WWP1: variants seen among roughly 807,000 people sequenced by gnomAD.
WWP1 encodes the protein WW domain containing E3 ubiquitin protein ligase 1.
WWP1 carries 49 observed loss-of-function variants against 130.6 expected under a neutral mutation model. The ratio of observed to expected loss-of-function variants is 0.38; its 90% confidence interval spans 0.30 to 0.48. WWP1 has a LOEUF of 0.48. Among genes scored for constraint, WWP1 ranks in the 20% least tolerant of loss-of-function variants. The pLI is 0.99. For synonymous variants in WWP1, 332 were observed against 367.8 expected (o/e 0.90, Z 1.11); for missense variants, 809 against 1,100.6 (o/e 0.74, Z 3.75).
chr8:86,418,957 A>G (rs555110726), intron 9 of WWP1, among the ~76,000 whole-genome samples: 12 of 152,198 alleles, frequency 7.9e-5, no homozygotes, highest in Non-Finnish European at 1.5e-4. Context: ...TCTCTAACAA[A>G]ACAGTCCCAT....
At chr8:86,412,841 A>G (rs1234725176) in intron 9 of WWP1, among the ~76,000 whole-genome samples, 1 of 150,214 alleles carries the variant, frequency 6.7e-6, no homozygotes, top group East Asian at 2.0e-4. Flanking sequence ...CATTATTATT[A>G]TTTTGGAGCA....
rs779675593 is a variant in WWP1, at chr8:86,438,637, G to A, written c.1802G>A (p.Arg601Lys). 7.5e-6 allele frequency: 12 copies of A among 1,608,538 alleles called. No individual in the cohort carries two copies. Among genetic ancestry groups the A allele is most frequent in the Non-Finnish European group, 1.0e-5 (12 of 1,178,632 alleles). ...DLRRRLYVIFRGEEGLDYGGL... is the reference protein window; with the variant it reads ...DLRRRLYVIFKGEEGLDYGGL... ...AGGAGGCGCTTATATGTAATATTTAGAGGAGAAGAAGGACTTGATTATGGT... is the reference window on the plus strand; with the variant it reads ...AGGAGGCGCTTATATGTAATATTTAAAGGAGAAGAAGGACTTGATTATGGT... The change falls in exon 17 of 25, where the codon AGA becomes AAA. Residue 601 changes from arginine to lysine, a missense_variant. Arg to Lys is a conservative substitution (Grantham distance 26, BLOSUM62 2). Around this residue, in one of 3 missense-constraint regions of WWP1, gnomAD observed 450 missense variants for 674.2 expected, o/e 0.67. Transcript: ENST00000517970.
At chr8:86,390,671 G>A (rs1807266856) in intron 5 of WWP1, among the ~76,000 whole-genome samples, 1 of 151,350 alleles carries the variant, frequency 6.6e-6, no homozygotes, top group Admixed American at 6.6e-5. Context: ...CTCAGCATCA[G>A]AGGGAGACCG....
Position 86,431,862 on chromosome 8 carries a change from C to G in WWP1, c.1601+119C>G, listed in dbSNP as rs562667039. ...ACTTTTTGGTTCAAGAAAACCTACA[C>G]AAGTGAAACCTTAGTATAGCTGTCT... On this transcript the variant is annotated intron_variant, in intron 14 of 24. Coordinates refer to ENST00000517970, the MANE Select transcript of WWP1 (RefSeq NM_007013.4). The G allele has an allele frequency of 4.7e-6, 6 of 1,289,246 alleles. No individual in the cohort carries two copies. The East Asian group carries it at 1.4e-4, about 31-fold the overall frequency. The allele number at this position is 1,289,246 out of a possible 1,614,324, so 79.9% of individuals were successfully genotyped here. A position where few individuals can be genotyped will look rare whatever the true frequency, so the allele number is the denominator to read the frequency against.
chr8:86,414,465 A>G (rs1808766886), intron 9 of WWP1, among the ~76,000 whole-genome samples: 1 of 152,212 alleles, frequency 6.6e-6, no homozygotes, highest in Non-Finnish European at 1.5e-5. Context: ...GAGATAGAAT[A>G]GAAAAAGAGT....
Position 86,342,912 on chromosome 8 carries a change from G to A in WWP1, c.-133G>A, listed in dbSNP as rs1433744030. On this transcript the variant is annotated 5_prime_UTR_variant, in exon 1 of 25. Coordinates refer to ENST00000517970, the MANE Select transcript of WWP1 (RefSeq NM_007013.4). ...TGCCGTGGCCGCCCGGCTGCCGGGA[G>A]CCGACAGCTTCGCGCCGGGTAAGGA... 2.2e-5 allele frequency: 7 copies of A among 321,802 alleles called. No individual in the cohort carries two copies. Among genetic ancestry groups the A allele is most frequent in the Non-Finnish European group, 3.9e-5 (7 of 178,370 alleles). The allele number at this position is 321,802 out of a possible 1,614,324, so 19.9% of individuals were successfully genotyped here.
intron 1 of WWP1, among the ~76,000 whole-genome samples, chr8:86,364,866 AAGAG>A (rs879525857): frequency 1.4e-4 from 22 of 151,782 alleles, no homozygotes; most frequent in Middle Eastern, 3.2e-3. Flanking sequence ...AGAAAGAAGA[AAGAG>A]AGAAAGAAAG....
At chr8:86,387,677 C>A (rs1329775087) in intron 5 of WWP1, among the ~76,000 whole-genome samples, 1 of 151,908 alleles carries the variant, frequency 6.6e-6, no homozygotes, top group African/African-American at 2.4e-5. Context: ...CATGCACCAC[C>A]ATGTGCGGCT....
intron 1 of WWP1, among the ~76,000 whole-genome samples, chr8:86,363,873 G>A (rs549863502): frequency 2.6e-5 from 4 of 151,840 alleles, no homozygotes; most frequent in African/African-American, 7.2e-5. Context: ...GTGCCAGGAA[G>A]TATTTTTAGT....
intron 1 of WWP1, among the ~76,000 whole-genome samples, chr8:86,362,199 T>TATATATATATAC (rs1409280271): frequency 2.5e-5 from 3 of 121,030 alleles, no homozygotes; most frequent in African/African-American, 6.0e-5. Context: ...TATATATATA[T>TATATATATATAC]ATACTGGAAA....
chr8:86,366,286 T>A (rs1823960973), intron 1 of WWP1, among the ~76,000 whole-genome samples: 1 of 152,214 alleles, frequency 6.6e-6, no homozygotes, highest in South Asian at 2.1e-4. Context: ...GGGTGAGTTG[T>A]TGGCATAGAT....
At chr8:86,434,697 A>G (rs1402942663) in intron 14 of WWP1, among the ~76,000 whole-genome samples, 2 of 152,146 alleles carry the variant, frequency 1.3e-5, no homozygotes, top group Non-Finnish European at 2.9e-5. Flanking sequence ...CAAAACAGGC[A>G]TTTTTACCTA....
chr8:86,466,646 T>C (rs1812173331), intron 24 of WWP1, 148 bp from the exon 25 acceptor site: 1 of 418,416 alleles, frequency 2.4e-6, no homozygotes. Context: ...AAGTCTTAAA[T>C]TTAGATTACT....
intron 10 of WWP1, among the ~76,000 whole-genome samples, chr8:86,426,491 G>A (rs147990442): frequency 4.6e-5 from 7 of 152,284 alleles, no homozygotes; most frequent in African/African-American, 1.7e-4. Flanking sequence ...CCTGGAGGAT[G>A]AGTAGAATTC....
chr8:86,444,290 G>A (rs1372610143), intron 18 of WWP1, among the ~76,000 whole-genome samples: 5 of 152,132 alleles, frequency 3.3e-5, no homozygotes, highest in Admixed American at 1.3e-4. Flanking sequence ...GCAAATTTTG[G>A]GTATGGGAGA....
intron 21 of WWP1, among the ~76,000 whole-genome samples, chr8:86,454,097 G>A (rs1586500439): frequency 6.6e-6 from 1 of 152,110 alleles, no homozygotes; most frequent in Non-Finnish European, 1.5e-5. Flanking sequence ...TGGGAGATTG[G>A]TTCTGTAGGG....
intron 9 of WWP1, among the ~76,000 whole-genome samples, chr8:86,416,727 C>T (rs1808909762): frequency 6.6e-6 from 1 of 152,006 alleles, no homozygotes; most frequent in Admixed American, 6.6e-5. Context: ...AATTAGAGTT[C>T]TATTGAGAAT....
chr8:86,463,108 A>G (rs527995491), intron 24 of WWP1, among the ~76,000 whole-genome samples: 1 of 152,242 alleles, frequency 6.6e-6, no homozygotes, highest in South Asian at 2.1e-4. Context: ...TCTTTTATGG[A>G]ACACTATTTT....
intron 1 of WWP1, among the ~76,000 whole-genome samples, chr8:86,362,953 G>C (rs987371617): frequency 2.0e-5 from 3 of 152,000 alleles, no homozygotes; most frequent in Non-Finnish European, 4.4e-5. Flanking sequence ...ATTGTTTCTC[G>C]TATTTAATAT....
Sources: gnomAD v4.1 joint callset for allele counts (sites outside exome capture counted in the v4.1 genomes callset) on GRCh38, gnomAD v4.1.1 for gene constraint, gnomAD v4.1.1 regional missense constraint, MANE v1.5 for transcripts, NCBI Gene and HGNC (gene_info 2026-07-23, HGNC 2026-07-21) for gene names.